Variants in RYR3 observed in about 807,000 individuals in gnomAD.
The protein encoded by RYR3 is ryanodine receptor 3, also known as brain ryanodine receptor-calcium release channel.
A neutral mutation model predicts 584.3 loss-of-function variants in RYR3; 207 were observed. The ratio of observed to expected loss-of-function variants is 0.35; its 90% CI spans 0.32 to 0.40. The LOEUF is 0.40. RYR3 is among the 10% of genes least tolerant of loss of function. The pLI, the probability that RYR3 is intolerant of heterozygous loss-of-function variation, is 1.00. For missense variants in RYR3, 5,616 were observed against 6,089.2 expected (o/e 0.92, Z 2.59); for synonymous variants, 2,416 against 2,248.5 (o/e 1.07, Z -2.11).
At chr15:33,623,703 A>G (rs905017964) in intron 19 of RYR3, 104 bp from the exon 20 acceptor site, 2 of 811,518 alleles carry the variant, frequency 2.5e-6, no homozygotes, top group African/African-American at 1.7e-5. Flanking sequence ...TCTCAACAAA[A>G]TTATGTTGAG....
chr15:33,485,105 A>G (rs2050300658), intron 2 of RYR3, among the ~76,000 whole-genome samples: 2 of 152,252 alleles, frequency 1.3e-5, no homozygotes, highest in Admixed American at 6.5e-5. Context: ...TGTGTGTCAT[A>G]GAAGTCACAG....
At chr15:33,636,231 C>T (rs1473579986) in intron 26 of RYR3, 145 bp from the exon 27 acceptor site, 2 of 731,366 alleles carry the variant, frequency 2.7e-6, no homozygotes, top group African/African-American at 1.8e-5. Context: ...ACATAGACCA[C>T]TCCTCCTTGT....
chr15:33,576,488 T>C (rs904510833), intron 12 of RYR3, among the ~76,000 whole-genome samples: 6 of 152,066 alleles, frequency 3.9e-5, no homozygotes, highest in African/African-American at 1.4e-4. Context: ...AACACAATTC[T>C]TCACATAAAC....
At chr15:33,587,817 T>G (rs917771331) in intron 16 of RYR3, among the ~76,000 whole-genome samples, 1 of 152,186 alleles carries the variant, frequency 6.6e-6, no homozygotes, top group Non-Finnish European at 1.5e-5. Context: ...AAAAAACAGG[T>G]TCAAACCATC....
At chr15:33,853,441 C>T in intron 95 of RYR3, 114 bp from the exon 96 acceptor site, 1 of 1,308,592 alleles carries the variant, frequency 7.6e-7, no homozygotes. Context: ...ACTATGTCTT[C>T]ATCTACCCCT....
intron 3 of RYR3, among the ~76,000 whole-genome samples, chr15:33,521,463 A>G (rs897163289): frequency 3.3e-5 from 5 of 152,210 alleles, no homozygotes; most frequent in African/African-American, 7.2e-5. Flanking sequence ...AGAGAGGGTT[A>G]GCTGGATTCA....
chr15:33,641,694 T>C (rs1179623353), intron 27 of RYR3, among the ~76,000 whole-genome samples: 2 of 152,218 alleles, frequency 1.3e-5, no homozygotes, highest in East Asian at 1.9e-4. Context: ...CTGCTGCTGT[T>C]TTCCAGAGCT....
intron 19 of RYR3, among the ~76,000 whole-genome samples, chr15:33,617,727 A>G (rs1267376666): frequency 4.6e-5 from 7 of 152,066 alleles, no homozygotes; most frequent in African/African-American, 1.5e-4. Flanking sequence ...TATGTTGTTA[A>G]TAATACCTGA....
intron 48 of RYR3, 121 bp from the exon 49 acceptor site, chr15:33,736,114 G>T: frequency 1.6e-6 from 1 of 610,102 alleles, no homozygotes; most frequent in South Asian, 2.1e-5. Context: ...CCGAGATCTT[G>T]TGTATTAGGA....
At chr15:33,794,744 G>C (rs957577200) in intron 67 of RYR3, among the ~76,000 whole-genome samples, 1 of 152,126 alleles carries the variant, frequency 6.6e-6, no homozygotes, top group Non-Finnish European at 1.5e-5. Context: ...AGAAATACAG[G>C]CTTCCAACAT....
At chr15:33,700,769 G>A (rs182519230) in intron 41 of RYR3, among the ~76,000 whole-genome samples, 4 of 152,218 alleles carry the variant, frequency 2.6e-5, no homozygotes, top group Admixed American at 6.5e-5. Flanking sequence ...GTATTAATTC[G>A]TATTCACGGC....
intron 74 of RYR3, among the ~76,000 whole-genome samples, chr15:33,816,381 C>T (rs1228609247): frequency 6.6e-6 from 1 of 152,206 alleles, no homozygotes; most frequent in Non-Finnish European, 1.5e-5. Flanking sequence ...CACTTTACCA[C>T]TGTGGTTACT....
At chr15:33,688,399 C>G (rs531022224) in intron 38 of RYR3, among the ~76,000 whole-genome samples, 119 of 151,844 alleles carry the variant, frequency 7.8e-4, no homozygotes, top group African/African-American at 2.7e-3. Flanking sequence ...TGGTGAAACC[C>G]CGTCTCTACT....
chr15:33,591,819 G>T (rs1270355119), intron 16 of RYR3, among the ~76,000 whole-genome samples: 1 of 152,192 alleles, frequency 6.6e-6, no homozygotes, highest in African/African-American at 2.4e-5. Flanking sequence ...GGTTTAGCCT[G>T]GAGGGGCTGA....
At chr15:33,778,531 C>A (rs1364767078) in intron 64 of RYR3, among the ~76,000 whole-genome samples, 1 of 152,192 alleles carries the variant, frequency 6.6e-6, no homozygotes, top group Non-Finnish European at 1.5e-5. Flanking sequence ...ACCTGGCCAC[C>A]ACCTGGAACT....
chr15:33,631,034 G>GCT (rs1326250983), intron 22 of RYR3, among the ~76,000 whole-genome samples, 176 bp from the exon 23 acceptor site: 1 of 152,164 alleles, frequency 6.6e-6, no homozygotes, highest in Non-Finnish European at 1.5e-5. Flanking sequence ...CTGTGACAGA[G>GCT]ACATATGGCT....
In RYR3 at chr15:33,450,115, G is replaced by A. The variant is rs1415876516; in HGVS notation, c.52-23304G>A. Among the ~76,000 whole-genome samples the A allele has an allele frequency of 1.6e-4, 8 of 50,468 alleles. No homozygotes were observed. In the South Asian group the frequency reaches 1.8e-3, roughly 11 times the overall value. 33.1% of individuals were successfully genotyped at this position (50,468 alleles called of 152,430 possible). On this transcript the variant is annotated intron_variant, in intron 1 of 103. Coordinates refer to ENST00000634891, the MANE Select transcript of RYR3 (RefSeq NM_001036.6). Reference sequence around the variant, plus strand: ...AAAAAAAAAAAAAAAAAAAAAAGCCGGCAACTGTGAGCATTAGCAGTTACA... The same window carrying A: ...AAAAAAAAAAAAAAAAAAAAAAGCCAGCAACTGTGAGCATTAGCAGTTACA...
intron 86 of RYR3, 123 bp from the exon 87 acceptor site, chr15:33,834,845 T>A: frequency 1.6e-6 from 1 of 611,878 alleles, no homozygotes; most frequent in Non-Finnish European, 2.9e-6. Flanking sequence ...TACTGAGCTA[T>A]GAAATATTTG....
rs1289496929 is a variant in RYR3, at chr15:33,572,699, G to A, written c.1268+5900G>A. Among the ~76,000 whole-genome samples, 10 of 111,442 alleles carry A rather than the reference G, an allele frequency of 9.0e-5. No individual in the cohort carries two copies. The East Asian group carries it at 1.6e-3, about 18-fold the overall frequency. The allele number at this position is 111,442 out of a possible 152,430, so 73.1% of individuals were successfully genotyped here. A position where few individuals can be genotyped will look rare whatever the true frequency, so the allele number is the denominator to read the frequency against. ...CACACACACACACACACTGGGCTGG[G>A]CACAATGGCTCACGCCTGTAATCCC... On this transcript the variant is annotated intron_variant, in intron 12 of 103. Transcript: ENST00000634891.
Sources: allele counts gnomAD v4.1 joint callset (sites outside exome capture counted in the v4.1 genomes callset), GRCh38; gene constraint gnomAD v4.1.1; transcripts MANE v1.5; gene names NCBI Gene and HGNC (gene_info 2026-07-23, HGNC 2026-07-21).